Variants in RCOR1 observed in about 807,000 individuals in gnomAD.
The protein encoded by RCOR1 is REST corepressor 1.
Under a neutral mutation model 64.0 loss-of-function variants are expected in RCOR1, and 12 were observed. The ratio of observed to expected loss-of-function variants is 0.19; its 90% confidence interval spans 0.12 to 0.30. RCOR1 has a LOEUF of 0.30. Among genes scored for constraint, RCOR1 ranks in the 10% least tolerant of loss-of-function variants. RCOR1 has a pLI of 1.00. For synonymous variants in RCOR1, 279 were observed against 227.2 expected (o/e 1.23, Z -2.05); for missense variants, 502 against 621.2 (o/e 0.81, Z 2.04).
At chr14:102,658,167 G>A (rs1894764045) in intron 2 of RCOR1, among the ~76,000 whole-genome samples, 1 of 152,018 alleles carries the variant, frequency 6.6e-6, no homozygotes, top group Non-Finnish European at 1.5e-5. Context: ...TGGAGACGGG[G>A]TTTCACCATA....
rs568012015 is a variant in RCOR1, at chr14:102,691,728, C to T, written c.446-9550C>T. Among the ~76,000 whole-genome samples the T allele has an allele frequency of 7.9e-5, 12 of 152,262 alleles. No homozygotes were observed. In the South Asian group the frequency reaches 1.7e-3, roughly 21 times the overall value. ...GTTGAATTTACAAACTAGTGGAAGC[C>T]TTCTATTAAACAGTAATTTACCTTG... On this transcript the variant is annotated intron_variant, in intron 3 of 11. Transcript: ENST00000262241.
At chr14:102,610,480 T>C (rs879634736) in intron 2 of RCOR1, among the ~76,000 whole-genome samples, 1 of 152,162 alleles carries the variant, frequency 6.6e-6, no homozygotes, top group African/African-American at 2.4e-5. Context: ...AGAGTATTTT[T>C]ATCCTCCCAG....
chr14:102,693,847 G>A (rs1670337635), intron 3 of RCOR1, among the ~76,000 whole-genome samples: 1 of 151,942 alleles, frequency 6.6e-6, no homozygotes, highest in South Asian at 2.1e-4. Flanking sequence ...ATCACCTTAA[G>A]CATTTATGCT....
At chr14:102,705,017 T>G (rs1895821854) in intron 4 of RCOR1, among the ~76,000 whole-genome samples, 1 of 152,058 alleles carries the variant, frequency 6.6e-6, no homozygotes, top group East Asian at 1.9e-4. Flanking sequence ...TCTCAATTAC[T>G]CTGGAGGTTG....
intron 2 of RCOR1, among the ~76,000 whole-genome samples, chr14:102,647,771 C>G (rs1188763384): frequency 6.6e-6 from 1 of 152,062 alleles, no homozygotes; most frequent in Admixed American, 6.5e-5. Context: ...CTCCGCCTCC[C>G]GGATTCAGGG....
chr14:102,613,227 G>A (rs1029576746), intron 2 of RCOR1, among the ~76,000 whole-genome samples: 2 of 151,666 alleles, frequency 1.3e-5, no homozygotes, highest in Admixed American at 6.6e-5. Context: ...TCAGCCTCCC[G>A]AGTAGCTGGG....
intron 4 of RCOR1, among the ~76,000 whole-genome samples, chr14:102,703,167 GAGC>G (rs371377820): frequency 3.4e-3 from 523 of 152,316 alleles, no homozygotes; most frequent in Non-Finnish European, 5.8e-3. Context: ...ATTTGAGTCT[GAGC>G]AGCAGGATGA....
Position 102,592,684 on chromosome 14 carries a change from A to G in RCOR1, c.-203A>G. ...AAGTGAGGGCGGCGATGAGAGCGAA[A>G]GTTGCGCTCGGCTCGTCGCTGGGGG... is the stretch of plus-strand genomic sequence containing the variant. On this transcript the variant is annotated 5_prime_UTR_variant, in exon 1 of 12. Transcript: ENST00000262241. 1 of 1,228,094 alleles carries G rather than the reference A, an allele frequency of 8.1e-7. No individual in the cohort carries two copies. Among genetic ancestry groups the G allele is most frequent in the Non-Finnish European group, 1.0e-6 (1 of 985,736 alleles). 76.1% of individuals were successfully genotyped at this position (1,228,094 alleles called of 1,614,324 possible).
intron 2 of RCOR1, chr14:102,657,604 A>G (rs113595777): frequency 3.9e-5 from 34 of 862,082 alleles, no homozygotes; most frequent in Non-Finnish European, 4.6e-5. Context: ...TTGGGAGGCC[A>G]AGGCGGGCAG....
intron 2 of RCOR1, 48 bp downstream of exon 2, chr14:102,593,373 C>T (rs768322843): frequency 2.3e-5 from 34 of 1,467,910 alleles, no homozygotes; most frequent in Non-Finnish European, 2.9e-5. Flanking sequence ...GCGGGAGCCC[C>T]GGGTCCCCGG....
At chr14:102,673,508 T>C (rs1199480891) in intron 2 of RCOR1, among the ~76,000 whole-genome samples, 2 of 150,554 alleles carry the variant, frequency 1.3e-5, no homozygotes, top group African/African-American at 4.9e-5. Flanking sequence ...GGCTAATTTT[T>C]GTATTTTTAG....
intron 2 of RCOR1, among the ~76,000 whole-genome samples, chr14:102,614,518 C>T (rs1470296007): frequency 6.6e-6 from 1 of 152,140 alleles, no homozygotes; most frequent in Non-Finnish European, 1.5e-5. Flanking sequence ...GCCACTGCAC[C>T]CAGCCCTTCT....
intron 2 of RCOR1, chr14:102,643,261 G>C: frequency 1.3e-6 from 1 of 779,160 alleles, no homozygotes; most frequent in Non-Finnish European, 1.6e-6. Context: ...TCCAGCCTGG[G>C]CGACAGAGCG....
intron 2 of RCOR1, among the ~76,000 whole-genome samples, chr14:102,653,920 C>CTTTCTTTCT (rs1379169756): frequency 1.0e-4 from 10 of 98,874 alleles, no homozygotes; most frequent in African/African-American, 3.4e-4. Flanking sequence ...CAGGTATTTC[C>CTTTCTTTCT]TTCTTTCTTT....
At chr14:102,598,853 T>G (rs977253917) in intron 2 of RCOR1, among the ~76,000 whole-genome samples, 3 of 152,166 alleles carry the variant, frequency 2.0e-5, no homozygotes, top group African/African-American at 7.2e-5. Flanking sequence ...ATAAAAAGTT[T>G]TACCAACTTT....
At chr14:102,716,623 C>T (rs899209675) in intron 8 of RCOR1, among the ~76,000 whole-genome samples, 1 of 152,216 alleles carries the variant, frequency 6.6e-6, no homozygotes, top group African/African-American at 2.4e-5. Flanking sequence ...TTATCCTTTG[C>T]AACGCAGCAG....
At chr14:102,712,801 T>G (rs1895987483) in intron 7 of RCOR1, among the ~76,000 whole-genome samples, 1 of 152,010 alleles carries the variant, frequency 6.6e-6, no homozygotes, top group Admixed American at 6.6e-5. Flanking sequence ...GTAGTTGTAG[T>G]TTTTATTAAG....
intron 2 of RCOR1, among the ~76,000 whole-genome samples, chr14:102,671,873 G>C (rs1895038057): frequency 6.6e-6 from 1 of 152,140 alleles, no homozygotes; most frequent in South Asian, 2.1e-4. Context: ...ACAGCCTCTG[G>C]CAATCACTAA....
At chr14:102,639,475 G>A (rs1482384342) in intron 2 of RCOR1, among the ~76,000 whole-genome samples, 2 of 148,480 alleles carry the variant, frequency 1.3e-5, no homozygotes, top group Admixed American at 6.8e-5. Flanking sequence ...AGCATGTCTG[G>A]CTAATTAATT....
Sources: gnomAD v4.1 joint callset for allele counts (sites outside exome capture counted in the v4.1 genomes callset) on GRCh38, gnomAD v4.1.1 for gene constraint, MANE v1.5 for transcripts, NCBI Gene and HGNC (gene_info 2026-07-23, HGNC 2026-07-21) for gene names.